The following MTHFD1L variants were observed in gnomAD, a reference collection of about 807,000 sequenced individuals.
MTHFD1L encodes the protein methylenetetrahydrofolate dehydrogenase (NADP+ dependent) 1 like.
MTHFD1L carries 81 observed loss-of-function variants against 119.5 expected under a neutral mutation model. That is an observed-to-expected ratio of 0.68 (90% CI 0.57 to 0.82). MTHFD1L has a LOEUF of 0.82. MTHFD1L is among the 40% of genes least tolerant of loss of function. The pLI, the probability that MTHFD1L is intolerant of heterozygous loss-of-function variation, is 0.00. For synonymous variants in MTHFD1L, 430 were observed against 475.2 expected (o/e 0.90, Z 1.24); for missense variants, 1,125 against 1,253.4 (o/e 0.90, Z 1.55).
At chr6:151,033,301 G>A (rs560505607) in intron 24 of MTHFD1L, among the ~76,000 whole-genome samples, 1 of 151,984 alleles carries the variant, frequency 6.6e-6, no homozygotes, top group South Asian at 2.1e-4. Context: ...TGTACTTTTA[G>A]CAGAGACGGG....
At chr6:151,100,006 G>C in intron 27 of MTHFD1L, 121 of 625,628 alleles carry the variant, frequency 1.9e-4, no homozygotes, top group Middle Eastern at 8.9e-4. Flanking sequence ...TAAAAAAAAA[G>C]AAAAGAAAGA....
intron 20 of MTHFD1L, among the ~76,000 whole-genome samples, chr6:151,001,514 C>A (rs1780615419): frequency 6.6e-6 from 1 of 152,114 alleles, no homozygotes; most frequent in Non-Finnish European, 1.5e-5. Flanking sequence ...CATGTGCTGA[C>A]AACAGAAAGT....
In MTHFD1L at chr6:150,976,565, G is replaced by A. The variant is rs75631232; in HGVS notation, c.2125+4507G>A. Among the ~76,000 whole-genome samples the A allele has an allele frequency of 9.3e-3, 1,421 of 152,316 alleles. 7 individuals are homozygous for A. The highest frequency in any genetic ancestry group is 0.016 in the Non-Finnish European group (1,098 of 68,042). On this transcript the variant is annotated intron_variant, in intron 20 of 27. Coordinates refer to ENST00000367321, the MANE Select transcript of MTHFD1L (RefSeq NM_015440.5). ...AGGAATTCATGTTCTTCAAAAAGTT[G>A]TCGTTTATAGTAGACTATCTTTATG...
chr6:151,053,796 G>T (rs935329706), intron 26 of MTHFD1L, among the ~76,000 whole-genome samples: 1 of 150,914 alleles, frequency 6.6e-6, no homozygotes, highest in Non-Finnish European at 1.5e-5. Context: ...GGAGGTGGAG[G>T]TTGCAGTGAG....
chr6:150,982,202 T>G (rs1303116772), intron 20 of MTHFD1L, among the ~76,000 whole-genome samples: 1 of 151,892 alleles, frequency 6.6e-6, no homozygotes, highest in Non-Finnish European at 1.5e-5. Context: ...GATAAATAAT[T>G]TTTAAAAACT....
At chr6:151,030,692 C>G (rs933692858) in intron 24 of MTHFD1L, among the ~76,000 whole-genome samples, 22 of 152,280 alleles carry the variant, frequency 1.4e-4, no homozygotes, top group African/African-American at 5.3e-4. Flanking sequence ...TCTTGTGTGG[C>G]TATTGAACCA....
At chr6:151,084,984 A>AAAAT (rs1554300418) in intron 26 of MTHFD1L, among the ~76,000 whole-genome samples, 3 of 102,902 alleles carry the variant, frequency 2.9e-5, no homozygotes, top group Non-Finnish European at 3.7e-5. Flanking sequence ...AAAAAAAAAA[A>AAAAT]ATATATATAT....
At chr6:150,949,165 G>A (rs765879027) in intron 16 of MTHFD1L, 32 bp downstream of exon 16, 2 of 1,578,440 alleles carry the variant, frequency 1.3e-6, no homozygotes, top group Non-Finnish European at 1.7e-6. Flanking sequence ...GCAGGCTGAT[G>A]GCCAGGTGGG....
At chr6:151,087,334 G>A (rs1027128013) in intron 26 of MTHFD1L, among the ~76,000 whole-genome samples, 1 of 151,916 alleles carries the variant, frequency 6.6e-6, no homozygotes, top group African/African-American at 2.4e-5. Flanking sequence ...AATCTTTTCA[G>A]TTATTTTTAA....
chr6:150,970,645 C>T (rs1407227), intron 19 of MTHFD1L, among the ~76,000 whole-genome samples: 3,041 of 152,246 alleles, frequency 0.02, 111 homozygotes, highest in African/African-American at 0.069. Context: ...CAAGATAGTT[C>T]CTGCCTTATT....
intron 19 of MTHFD1L, among the ~76,000 whole-genome samples, chr6:150,968,991 G>A (rs145493109): frequency 0.015 from 2,228 of 151,746 alleles, 50 homozygotes; most frequent in African/African-American, 0.05. Context: ...TGGGATTACA[G>A]GCGCCCGCTA....
At chr6:150,925,867 C>T (rs1254054424) in intron 10 of MTHFD1L, among the ~76,000 whole-genome samples, 2 of 152,130 alleles carry the variant, frequency 1.3e-5, no homozygotes, top group African/African-American at 4.8e-5. Context: ...GTCTCTATGC[C>T]ATAGGTGTTA....
At chr6:151,099,382 A>G (rs1795162752) in intron 27 of MTHFD1L, 2 of 633,516 alleles carry the variant, frequency 3.2e-6, no homozygotes, top group Admixed American at 2.5e-5. Context: ...CTGTCCCAAG[A>G]GTCATTGACC....
In MTHFD1L at chr6:150,877,811, T is replaced by C. The variant is rs1486888054; in HGVS notation, c.402T>C (p.Asp134=). The part of the protein sequence containing the change: ...LNITHICLPP[D]SSEAEIIDEI... ...TCACTCACATTTGCCTCCCTCCAGA[T>C]AGCAGTGAAGCCGAGGTAATAATGG... Residue 134 remains aspartate (D), a synonymous_variant, in exon 4 of 28, where the codon GAT becomes GAC. Coordinates refer to ENST00000367321, the MANE Select transcript of MTHFD1L (RefSeq NM_015440.5). 1.2e-6 allele frequency: 2 copies of C among 1,614,236 alleles called. No individual in the cohort carries two copies. Among genetic ancestry groups the C allele is most frequent in the Admixed American group, 1.7e-5 (1 of 60,026 alleles).
At chr6:150,948,932 A>C (rs1190300409) in intron 15 of MTHFD1L, 99 bp from the exon 16 acceptor site, 1 of 1,036,726 alleles carries the variant, frequency 9.6e-7, no homozygotes, top group Non-Finnish European at 1.4e-6. Flanking sequence ...AAAAGGCTTT[A>C]CCAATCATGG....
intron 24 of MTHFD1L, among the ~76,000 whole-genome samples, chr6:151,027,472 T>C (rs1784753897): frequency 6.6e-6 from 1 of 152,178 alleles, no homozygotes; most frequent in Non-Finnish European, 1.5e-5. Context: ...CAAGTAAATA[T>C]ATTAGTCAAT....
chr6:150,994,076 A>AG (rs1253650361), intron 20 of MTHFD1L, among the ~76,000 whole-genome samples: 16 of 140,706 alleles, frequency 1.1e-4, no homozygotes, highest in African/African-American at 4.6e-4. Context: ...AAAAAAAAAA[A>AG]AAAAGAAAGA....
intron 26 of MTHFD1L, among the ~76,000 whole-genome samples, chr6:151,061,229 C>T (rs766075866): frequency 5.9e-5 from 9 of 152,140 alleles, no homozygotes; most frequent in Non-Finnish European, 1.3e-4. Context: ...GGAAACAGCA[C>T]GTGGGGTCAA....
chr6:151,071,837 A>ATT (rs753092094), intron 26 of MTHFD1L, among the ~76,000 whole-genome samples: 1,712 of 107,446 alleles, frequency 0.016, 82 homozygotes, highest in African/African-American at 0.02. Context: ...GTAAGTACAG[A>ATT]TTTTTTTTTT....
Sources: allele counts gnomAD v4.1 joint callset (sites outside exome capture counted in the v4.1 genomes callset), GRCh38; gene constraint gnomAD v4.1.1; transcripts MANE v1.5; gene names NCBI Gene and HGNC (gene_info 2026-07-23, HGNC 2026-07-21).